Variants in ADAM22 observed in about 807,000 individuals in gnomAD.
ADAM22 encodes the protein disintegrin and metalloproteinase domain-containing protein 22.
A neutral mutation model predicts 144.6 loss-of-function variants in ADAM22; 65 were observed. That is an observed-to-expected ratio of 0.45 (90% CI 0.37 to 0.55). The LOEUF is 0.55. ADAM22 is among the 20% of genes least tolerant of loss of function. The pLI is 0.00. For synonymous variants in ADAM22, 391 were observed against 412.6 expected, an observed-to-expected ratio of 0.95 and a Z score of 0.63; for missense variants, 974 against 1,184.9, an observed-to-expected ratio of 0.82 and a Z score of 2.61.
chr7:88,105,906 A>G (rs561565075), intron 4 of ADAM22, among the ~76,000 whole-genome samples: 14 of 152,292 alleles, frequency 9.2e-5, no homozygotes, highest in Non-Finnish European at 1.5e-4. Context: ...AGTACTTCCT[A>G]TGAGCCAAGC....
chr7:87,957,903 T>C (rs942233955), intron 2 of ADAM22, among the ~76,000 whole-genome samples: 1 of 152,184 alleles, frequency 6.6e-6, no homozygotes, highest in Non-Finnish European at 1.5e-5. Flanking sequence ...CTTTCATACA[T>C]ACATATATAT....
chr7:88,167,727 G>A (rs1477303776), intron 24 of ADAM22, among the ~76,000 whole-genome samples: 1 of 152,122 alleles, frequency 6.6e-6, no homozygotes, highest in Non-Finnish European at 1.5e-5. Context: ...ACACAAAACC[G>A]AGAGCAGTAA....
chr7:87,939,141 A>T (rs1026245766), intron 2 of ADAM22, among the ~76,000 whole-genome samples: 5 of 152,164 alleles, frequency 3.3e-5, no homozygotes. Context: ...GAGGCAGAGA[A>T]GGCTAGTACT....
chr7:88,116,909 C>A, intron 7 of ADAM22, 95 bp downstream of exon 7: 1 of 910,338 alleles, frequency 1.1e-6, no homozygotes, highest in Non-Finnish European at 1.7e-6. Context: ...TATCATTAGC[C>A]CACATCTGCT....
intron 3 of ADAM22, among the ~76,000 whole-genome samples, chr7:88,001,163 T>C (rs1444111548): frequency 6.6e-6 from 1 of 152,222 alleles, no homozygotes; most frequent in East Asian, 1.9e-4. Context: ...TAAATATTTC[T>C]TATCCAAAAT....
intron 3 of ADAM22, among the ~76,000 whole-genome samples, chr7:88,048,563 G>T (rs1299066800): frequency 6.6e-6 from 1 of 152,014 alleles, no homozygotes; most frequent in East Asian, 1.9e-4. Context: ...ATTCTGGAAA[G>T]ATTGAACATA....
Position 88,181,588 on chromosome 7 carries a change from G to T in ADAM22, c.2579G>T (p.Arg860Leu), listed in dbSNP as rs1436420577. The T allele has an allele frequency of 5.0e-6, 8 of 1,613,544 alleles. No homozygotes were observed. The highest frequency in any genetic ancestry group is 8.5e-7 in the Non-Finnish European group (1 of 1,179,698). Residue 860 changes from arginine to leucine, a missense_variant, in exon 28 of 32, where the codon CGA (arginine) becomes CTA (leucine). Around this residue, in one of 2 missense-constraint regions of ADAM22, gnomAD observed 734 missense variants for 950.6 expected, o/e 0.77. Transcript: ENST00000413139. ...GACATCTGTGAAAATGGGCGACCTC[G>T]AAGTAACTCTTGGCAAGGTAGAGGC... Reference protein sequence around the residue: ...ISDICENGRPRSNSWQGNLGG... With the variant: ...ISDICENGRPLSNSWQGNLGG...
At chr7:88,062,138 G>A (rs1810055874) in intron 3 of ADAM22, among the ~76,000 whole-genome samples, 1 of 152,050 alleles carries the variant, frequency 6.6e-6, no homozygotes, top group Non-Finnish European at 1.5e-5. Context: ...CCACTGACCT[G>A]AGCCCTTCTT....
At position 88,113,703 on chromosome 7, in the gene ADAM22, AATAT is replaced by A. The variant is rs58099116; in HGVS notation, c.474-847_474-844del. On this transcript the variant is annotated intron_variant, in intron 5 of 31. Coordinates refer to ENST00000413139, the MANE Select transcript of ADAM22 (RefSeq NM_001324418.2). ...TATATATATTATAAATAAATAAATA[AATAT>A]ATATATATATATATATATATATATA... Among the ~76,000 whole-genome samples the A allele has an allele frequency of 8.2e-3, 392 of 48,082 alleles. 10 individuals are homozygous for A. In the Middle Eastern group the frequency reaches 0.089, roughly 11 times the overall value. The allele number at this position is 48,082 out of a possible 152,430, so 31.5% of individuals were successfully genotyped here. A position where few individuals can be genotyped will look rare whatever the true frequency, so the allele number is the denominator to read the frequency against.
intron 3 of ADAM22, among the ~76,000 whole-genome samples, chr7:88,055,724 C>T (rs889911164): frequency 3.9e-5 from 6 of 152,148 alleles, no homozygotes; most frequent in Admixed American, 3.3e-4. Flanking sequence ...TGCCAGTTTC[C>T]CTACCTGAAA....
At chr7:88,160,326 T>C (rs1325505158) in intron 22 of ADAM22, among the ~76,000 whole-genome samples, 2 of 152,182 alleles carry the variant, frequency 1.3e-5, no homozygotes, top group Non-Finnish European at 2.9e-5. Flanking sequence ...ATGGCCATAC[T>C]GCCAAAGCAA....
intron 2 of ADAM22, among the ~76,000 whole-genome samples, chr7:87,939,925 G>A (rs55966010): frequency 0.18 from 26,721 of 152,042 alleles, 2,536 homozygotes; most frequent in Admixed American, 0.25. Context: ...TGGGCATGGT[G>A]GCCCACACCT....
chr7:88,096,632 C>G (rs1821407374), intron 4 of ADAM22, among the ~76,000 whole-genome samples: 1 of 151,642 alleles, frequency 6.6e-6, no homozygotes. Context: ...ATATGAACAT[C>G]TTTGTTGTTG....
At chr7:87,954,467 G>A (rs1387883315) in intron 2 of ADAM22, among the ~76,000 whole-genome samples, 1 of 152,130 alleles carries the variant, frequency 6.6e-6, no homozygotes, top group Non-Finnish European at 1.5e-5. Flanking sequence ...GTTGAATAGT[G>A]GCCCCCACTC....
At chr7:87,975,486 A>G (rs1470547229) in intron 2 of ADAM22, among the ~76,000 whole-genome samples, 2 of 152,198 alleles carry the variant, frequency 1.3e-5, no homozygotes, top group Non-Finnish European at 2.9e-5. Context: ...CTATGTTAAC[A>G]TACTCCTGTT....
chr7:88,078,269 A>G (rs1490719226), intron 4 of ADAM22, among the ~76,000 whole-genome samples: 1 of 152,236 alleles, frequency 6.6e-6, no homozygotes, highest in Admixed American at 6.5e-5. Flanking sequence ...AGTAAACTCC[A>G]ACAGACCTGC....
chr7:87,947,529 A>T (rs756351852), intron 2 of ADAM22, among the ~76,000 whole-genome samples: 69 of 152,080 alleles, frequency 4.5e-4, no homozygotes, highest in Non-Finnish European at 8.8e-4. Context: ...AAAAAAAAAA[A>T]AGTGGTGGGG....
chr7:88,072,052 G>A (rs1812978315), intron 3 of ADAM22, among the ~76,000 whole-genome samples: 1 of 152,080 alleles, frequency 6.6e-6, no homozygotes, highest in Non-Finnish European at 1.5e-5. Context: ...AAGATTTTAT[G>A]GTTTAGTAGA....
chr7:88,072,731 A>C (rs571627912), intron 3 of ADAM22, among the ~76,000 whole-genome samples: 2 of 152,216 alleles, frequency 1.3e-5, no homozygotes, highest in Admixed American at 1.3e-4. Flanking sequence ...TTCCCAGGAG[A>C]GGGAACCTGG....
Sources: gnomAD v4.1 joint callset for allele counts (sites outside exome capture counted in the v4.1 genomes callset) on GRCh38, gnomAD v4.1.1 for gene constraint, gnomAD v4.1.1 regional missense constraint, MANE v1.5 for transcripts, NCBI Gene and HGNC (gene_info 2026-07-23, HGNC 2026-07-21) for gene names.